The following PIGN variants were observed in gnomAD, a reference collection of about 807,000 sequenced individuals.
The protein encoded by PIGN is phosphatidylinositol glycan anchor biosynthesis class N.
In PIGN, 117 loss-of-function variants were observed where a neutral mutation model predicts 125.4. The ratio of observed to expected loss-of-function variants is 0.93; its 90% CI spans 0.80 to 1.09. The LOEUF is 1.09. Among genes scored for constraint, PIGN ranks in the 50% least tolerant of loss-of-function variants. PIGN has a pLI of 0.00. For synonymous variants in PIGN, 392 were observed against 377.8 expected, an observed-to-expected ratio of 1.04 and a Z score of -0.44; for missense variants, 1,075 against 1,094.9, an observed-to-expected ratio of 0.98 and a Z score of 0.26.
intron 1 of PIGN, chr18:62,174,405 A>G (rs1321246199): frequency 6.6e-6 from 1 of 152,140 alleles, no homozygotes; most frequent in African/African-American, 2.4e-5. Flanking sequence ...TGACCCATTA[A>G]TAGCTCCTTA....
intron 14 of PIGN, among the ~76,000 whole-genome samples, chr18:62,131,944 G>A (rs1568210985): frequency 6.6e-6 from 1 of 151,990 alleles, no homozygotes; most frequent in Non-Finnish European, 1.5e-5. Context: ...ATTTTCAGAT[G>A]CCAATGTCCT....
At chr18:62,105,056 G>A (rs2034582936) in intron 20 of PIGN, 1 of 152,224 alleles carries the variant, frequency 6.6e-6, no homozygotes, top group South Asian at 2.1e-4. Context: ...ACATGGGAAA[G>A]CTGGCAAGGT....
chr18:62,054,365 T>TAA (rs751839459), intron 30 of PIGN, among the ~76,000 whole-genome samples: 1 of 140,114 alleles, frequency 7.1e-6, no homozygotes, highest in African/African-American at 2.6e-5. Flanking sequence ...AAATTGGGCT[T>TAA]AAAAAAAAAA....
chr18:62,067,103 T>C (rs979807007), intron 30 of PIGN, among the ~76,000 whole-genome samples: 1 of 152,060 alleles, frequency 6.6e-6, no homozygotes, highest in Non-Finnish European at 1.5e-5. Context: ...AAAGCAACAA[T>C]CTTTCATTCC....
Position 62,113,223 on chromosome 18 carries a change from TAAC to T in PIGN, c.1342_1344del (p.Val448del). 2 of 1,612,962 alleles carry T rather than the reference TAAC, an allele frequency of 1.2e-6. No homozygotes were observed. Among genetic ancestry groups the T allele is most frequent in the Non-Finnish European group, 1.7e-6 (2 of 1,179,372 alleles). On this transcript the variant is annotated inframe_deletion, in exon 16 of 31. Transcript: ENST00000640252. ...TAAGATATCCATCCCACAAAACCAA[TAAC>T]AACATTGACGCCCAAAAAGAATCTG... is the stretch of plus-strand genomic sequence containing the variant.
chr18:62,179,130 T>C (rs1012007507), intron 1 of PIGN, among the ~76,000 whole-genome samples: 6 of 152,196 alleles, frequency 3.9e-5, no homozygotes, highest in African/African-American at 1.4e-4. Flanking sequence ...AGAGGAAACA[T>C]ACATACATAA....
chr18:62,144,361 T>G (rs776174386), intron 10 of PIGN, among the ~76,000 whole-genome samples: 48 of 152,352 alleles, frequency 3.2e-4, no homozygotes, highest in Admixed American at 4.6e-4. Context: ...GCTTTAATGA[T>G]AGAGCACTGC....
At chr18:62,164,217 A>C (rs1186977874) in intron 1 of PIGN, among the ~76,000 whole-genome samples, 1 of 152,228 alleles carries the variant, frequency 6.6e-6, no homozygotes, top group African/African-American at 2.4e-5. Flanking sequence ...AATTACAAGA[A>C]GCTGGAAAAT....
At chr18:62,066,941 C>T (rs2032554307) in intron 30 of PIGN, among the ~76,000 whole-genome samples, 1 of 152,174 alleles carries the variant, frequency 6.6e-6, no homozygotes, top group South Asian at 2.1e-4. Context: ...TTTGTTTCTC[C>T]TCCCCTTTCT....
chr18:62,179,940 G>C (rs1024409581), intron 1 of PIGN, among the ~76,000 whole-genome samples: 8 of 152,042 alleles, frequency 5.3e-5, no homozygotes, highest in East Asian at 3.9e-4. Flanking sequence ...CCTTATAAAT[G>C]ATCTCAAACA....
intron 13 of PIGN, 145 bp from the exon 14 acceptor site, chr18:62,138,443 ATATT>A: frequency 5.8e-6 from 7 of 1,214,248 alleles, no homozygotes; most frequent in Non-Finnish European, 7.7e-6. Flanking sequence ...TGTTTCATAA[ATATT>A]TAAAGAAAAA....
intron 14 of PIGN, among the ~76,000 whole-genome samples, chr18:62,126,217 A>T (rs866781436): frequency 6.6e-6 from 1 of 152,104 alleles, no homozygotes; most frequent in Non-Finnish European, 1.5e-5. Flanking sequence ...TTGTCCTAAG[A>T]TTCTTTCAAC....
At chr18:62,070,491 A>G in intron 30 of PIGN, 1 of 398,588 alleles carries the variant, frequency 2.5e-6, no homozygotes, top group Non-Finnish European at 4.4e-6. Flanking sequence ...ACCAGGCAGT[A>G]CATGCCAGGA....
At chr18:62,084,479 TA>T in intron 27 of PIGN, 51 bp downstream of exon 27, 1 of 1,163,078 alleles carries the variant, frequency 8.6e-7, no homozygotes, top group Non-Finnish European at 1.2e-6. Flanking sequence ...AATGACTTTA[TA>T]ATCTTAATCA....
In PIGN at chr18:62,045,850, G is replaced by A. The variant is rs1323270171; in HGVS notation, c.*6C>T. 5.6e-6 allele frequency: 9 copies of A among 1,613,294 alleles called. No individual in the cohort carries two copies. Among genetic ancestry groups the A allele is most frequent in the Non-Finnish European group, 7.6e-6 (9 of 1,179,578 alleles). ...GATCCAGATGCTGAATGGTGCTTCA[G>A]CAACCTCACATGAAGTGACTTTTGG... On this transcript the variant is annotated 3_prime_UTR_variant, in exon 31 of 31. Coordinates refer to ENST00000640252, the MANE Select transcript of PIGN (RefSeq NM_176787.5).
intron 27 of PIGN, among the ~76,000 whole-genome samples, chr18:62,084,122 G>A (rs1043067592): frequency 2.6e-5 from 4 of 152,150 alleles, no homozygotes; most frequent in African/African-American, 9.7e-5. Flanking sequence ...ACTAAATATA[G>A]CAGAAAATGA....
chr18:62,103,125 G>A (rs943982861), intron 20 of PIGN, among the ~76,000 whole-genome samples: 1 of 151,970 alleles, frequency 6.6e-6, no homozygotes, highest in Non-Finnish European at 1.5e-5. Context: ...GCTGGATGGG[G>A]TTATTTGTAA....
intron 14 of PIGN, chr18:62,118,727 A>C (rs2035180539): frequency 6.6e-6 from 1 of 152,112 alleles, no homozygotes; most frequent in South Asian, 2.1e-4. Flanking sequence ...GACATTTTAA[A>C]AGTGCATCTG....
At chr18:62,146,897 A>C in intron 9 of PIGN, 74 bp downstream of exon 9, 1 of 1,473,776 alleles carries the variant, frequency 6.8e-7, no homozygotes, top group East Asian at 2.3e-5. Flanking sequence ...TCCTCTCAAC[A>C]TCATAAAATA....
Sources: allele counts gnomAD v4.1 joint callset (sites outside exome capture counted in the v4.1 genomes callset), GRCh38; gene constraint gnomAD v4.1.1; transcripts MANE v1.5; gene names NCBI Gene and HGNC (gene_info 2026-07-23, HGNC 2026-07-21).